SALL1: variants seen among roughly 807,000 people sequenced by gnomAD.
SALL1 encodes the protein sal-like protein 1.
In SALL1, 10 loss-of-function variants were observed where a neutral mutation model predicts 73.1. The observed-to-expected ratio is 0.14, with a 90% CI of 0.08 to 0.23. The LOEUF (loss-of-function observed/expected upper bound fraction) is 0.23. Among genes scored for constraint, SALL1 ranks in the 10% least tolerant of loss-of-function variants. The pLI is 1.00. For missense variants in SALL1, 1,520 were observed against 1,697.3 expected, an observed-to-expected ratio of 0.90 and a Z score of 1.84; for synonymous variants, 688 against 689.8, an observed-to-expected ratio of 1.00 and a Z score of 0.04.
Position 51,140,924 on chromosome 16 carries a change from A to C in SALL1, c.1298T>G (p.Val433Gly). ...AGTACTTTTCGCTTCAAAGGCAGTGACATTTGGTGGCTTGCTTTTTCTTTG... is the reference window on the plus strand; with the variant it reads ...AGTACTTTTCGCTTCAAAGGCAGTGCCATTTGGTGGCTTGCTTTTTCTTTG... ...AQQRKSKPPN[V>G]TAFEAKSTSD... The change falls in exon 2 of 3, where the codon GTC (valine) becomes GGC (glycine). Residue 433 changes from valine (V) to glycine (G), a missense_variant. Physicochemically the swap from Val to Gly is moderately radical, Grantham distance 109. Transcript: ENST00000251020. The surrounding 1 kb of genome is among the most constrained non-coding windows in gnomAD (Gnocchi z 5.7). The C allele has an allele frequency of 6.2e-7, 1 of 1,614,218 alleles. No individual in the cohort carries two copies. Among genetic ancestry groups the C allele is most frequent in the Non-Finnish European group, 8.5e-7 (1 of 1,180,026 alleles).
intron 1 of SALL1, chr16:51,150,522 G>A (rs1452261037): frequency 2.6e-5 from 26 of 985,810 alleles, no homozygotes; most frequent in Non-Finnish European, 2.9e-5. Flanking sequence ...TCTCCACCCC[G>A]GCCGCAACCC....
chr16:51,142,111 A>C lies in SALL1; in HGVS notation c.111T>G (p.Thr37=). The C allele has an allele frequency of 6.2e-7, 1 of 1,613,672 alleles. No homozygotes were observed. Among genetic ancestry groups the C allele is most frequent in the Non-Finnish European group, 8.5e-7 (1 of 1,179,972 alleles). Residue 37 remains threonine (T), a synonymous_variant, in exon 2 of 3, where the codon ACT becomes ACG. Coordinates refer to ENST00000251020, the MANE Select transcript of SALL1 (RefSeq NM_002968.3). ...DTEKGQPSRP[T]KSKDAHVCGR... is the part of the protein sequence containing the mutation. ...CACAGACGTGGGCATCCTTGCTCTT[A>C]GTAGGGCGACTCGGTTGACCCTTTT...
At chr16:51,137,812 ACT>A (rs1032708182) in intron 2 of SALL1, among the ~76,000 whole-genome samples, 2 of 151,876 alleles carry the variant, frequency 1.3e-5, no homozygotes, top group African/African-American at 4.8e-5. Flanking sequence ...TGCCTTACTT[ACT>A]CTTTTTTTAT....
At chr16:51,152,023 A>C (rs896943440), upstream of SALL1, 11 of 150,162 alleles carry the variant, frequency 7.3e-5, no homozygotes, top group East Asian at 1.8e-3. Flanking sequence ...TAAAAAAAAA[A>C]ATAAGCGAGT....
rs747967468 is a variant in SALL1, at chr16:51,137,519, G to A, written c.3568C>T (p.Pro1190Ser). The change falls in exon 3 of 3, where the codon CCT (proline) becomes TCT (serine). Residue 1190 changes from proline (P) to serine (S), a missense_variant. Pro to Ser is a moderately conservative substitution (Grantham distance 74). Around this residue, in one of 7 missense-constraint regions of SALL1, gnomAD observed 318 missense variants for 357.1 expected, o/e 0.89. Transcript: ENST00000251020. The part of the protein sequence containing the change: ...HMGTHMWNST[P>S]ARRGRRLSVD... ...GAGAGCCGCCGACCCCGTCGTGCAG[G>A]GGTGCTATTCCACATGTGAGTGCCC... is the stretch of plus-strand genomic sequence containing the variant. 6.2e-7 allele frequency: 1 copy of A among 1,613,844 alleles called. No homozygotes were observed. The highest frequency in any genetic ancestry group is 1.7e-5 in the Admixed American group (1 of 59,998).
In SALL1 at chr16:51,140,534, A is replaced by G. The variant is rs1395826003; in HGVS notation, c.1688T>C (p.Leu563Pro). 6.2e-7 allele frequency: 1 copy of G among 1,613,632 alleles called. No individual in the cohort carries two copies. Among genetic ancestry groups the G allele is most frequent in the East Asian group, 2.2e-5 (1 of 44,836 alleles). The stretch of plus-strand genomic sequence containing the variant: ...CTTGATGAAGGGTATGAGGCTTGGG[A>G]GGGTTGGGGGCAACGGCAGGCCGAC... The part of the protein sequence containing the change: ...TSVGLPLPPT[L>P]PSLIPFIKTE... Residue 563 changes from leucine (L) to proline (P), a missense_variant, in exon 2 of 3, where the codon CTC becomes CCC. By Grantham distance (98) the Leu-to-Pro change is moderately conservative (BLOSUM62 -3). Coordinates refer to ENST00000251020, the MANE Select transcript of SALL1 (RefSeq NM_002968.3). The surrounding 1 kb of genome is among the most constrained non-coding windows in gnomAD (Gnocchi z 5.7).
chr16:51,151,156 G>T lies in SALL1; in HGVS notation c.76+10C>A. 1 of 1,589,886 alleles carries T rather than the reference G, an allele frequency of 6.3e-7. No homozygotes were observed. Among genetic ancestry groups the T allele is most frequent in the Non-Finnish European group, 8.5e-7 (1 of 1,170,890 alleles). On this transcript the variant is annotated intron_variant, in intron 1 of 2. Coordinates refer to ENST00000251020, the MANE Select transcript of SALL1 (RefSeq NM_002968.3). ...GTGTGTGTGTCCACGGCGCGGGCCG[G>T]AGCACTCACCATCTCGCCGGGGGAG...
In SALL1 at chr16:51,141,755, C is replaced by T. The variant is rs772785193; in HGVS notation, c.467G>A (p.Ser156Asn). ...GCTGCCGCCGCCGCCGCTGCTGCTG[C>T]TGCTGCTGCTGCTGCTGCTTGGGGC... The part of the protein sequence containing the change: ...STAPSSSSSS[S>N]SSSGGGGSSS... The change falls in exon 2 of 3, where the codon AGC becomes AAC. Residue 156 changes from serine to asparagine, a missense_variant. By Grantham distance (46) the Ser-to-Asn change is conservative. Around this residue, in one of 7 missense-constraint regions of SALL1, gnomAD observed 540 missense variants for 567.5 expected, o/e 0.95. Coordinates refer to ENST00000251020, the MANE Select transcript of SALL1 (RefSeq NM_002968.3). This position sits in a 1 kb window ranked among gnomAD's most constrained non-coding sequence, Gnocchi z 5.4. The T allele has an allele frequency of 5.6e-6, 9 of 1,610,792 alleles. No individual in the cohort carries two copies. Among genetic ancestry groups the T allele is most frequent in the East Asian group, 2.2e-5 (1 of 44,878 alleles).
Position 51,141,973 on chromosome 16 carries a change from T to C in SALL1, c.249A>G (p.Glu83=). Residue 83 remains glutamate (E), a synonymous_variant, in exon 2 of 3, where the codon GAA becomes GAG. Coordinates refer to ENST00000251020, the MANE Select transcript of SALL1 (RefSeq NM_002968.3). The surrounding 1 kb of genome is among the most constrained non-coding windows in gnomAD (Gnocchi z 5.4). ...CAGGAGGGGGGCTGGGGGAGAAGGT[T>C]TCGGGTGGGGAGGCTGGATTTTCAT... ...IVNENPASPP[E]TFSPSPPPDN... is the part of the protein sequence containing the mutation. The C allele has an allele frequency of 6.2e-7, 1 of 1,613,980 alleles. No homozygotes were observed. The highest frequency in any genetic ancestry group is 8.5e-7 in the Non-Finnish European group (1 of 1,180,012).
chr16:51,150,256 C>T (rs1488605137), intron 1 of SALL1: 3 of 256,300 alleles, frequency 1.2e-5, no homozygotes, highest in Non-Finnish European at 1.8e-5. Context: ...AAAACAAGTG[C>T]CCCTGTTTCA....
upstream of SALL1, chr16:51,151,430 C>G: frequency 4.8e-6 from 1 of 206,656 alleles, no homozygotes; most frequent in Non-Finnish European, 9.2e-6. Context: ...ATCAATAATG[C>G]ATTGCGATTA....
In SALL1 at chr16:51,137,172, G is replaced by A. The variant is rs140524372; in HGVS notation, c.3915C>T (p.Asn1305=). Residue 1305 remains asparagine, a synonymous_variant, in exon 3 of 3, where the codon AAC becomes AAT. Transcript: ENST00000251020. Reference sequence around the variant, plus strand: ...AGCGGGTGAAGCGGAAGTTGGTTCCGTTCTCACTGCTTGCCATTTTCTCCA... The same window carrying A: ...AGCGGGTGAAGCGGAAGTTGGTTCCATTCTCACTGCTTGCCATTTTCTCCA... ...AGLEKMASSE[N]GTNFRFTRFV... The A allele has an allele frequency of 7.6e-4, 1,231 of 1,614,100 alleles. 19 individuals are homozygous for A. In the South Asian group the frequency reaches 8.8e-3, roughly 11 times the overall value.
Position 51,141,882 on chromosome 16 carries a change from A to G in SALL1, c.340T>C (p.Ser114Pro). The G allele has an allele frequency of 1.2e-6, 2 of 1,613,868 alleles. No individual in the cohort carries two copies. The highest frequency in any genetic ancestry group is 1.7e-6 in the Non-Finnish European group (2 of 1,180,018). Residue 114 changes from serine to proline, a missense_variant, in exon 2 of 3, where the codon TCA becomes CCA. By Grantham distance (74) the Ser-to-Pro change is moderately conservative. This residue lies in a region of SALL1 where 540 missense variants were observed against 567.5 expected (regional missense o/e 0.95). Coordinates refer to ENST00000251020, the MANE Select transcript of SALL1 (RefSeq NM_002968.3). This position sits in a 1 kb window ranked among gnomAD's most constrained non-coding sequence, Gnocchi z 5.4. The part of the protein sequence containing the change: ...KTDQVDCSDL[S>P]EHNGLDREES... The stretch of plus-strand genomic sequence containing the variant: ...TCCCTGTCAAGTCCGTTGTGTTCTG[A>G]AAGGTCGCTGCAGTCCACTTGATCT...
upstream of SALL1, among the ~76,000 whole-genome samples, chr16:51,151,821 G>A (rs948304814): frequency 6.6e-6 from 1 of 151,404 alleles, no homozygotes; most frequent in African/African-American, 2.4e-5. Context: ...CGGGTGGGGG[G>A]TGGGGCCGGG....
At chr16:51,149,033 A>G (rs1188510933) in intron 1 of SALL1, among the ~76,000 whole-genome samples, 1 of 152,158 alleles carries the variant, frequency 6.6e-6, no homozygotes, top group Non-Finnish European at 1.5e-5. Flanking sequence ...AAATCAAAAG[A>G]AGGAGAGAAA....
rs1247825832 is a variant in SALL1, at chr16:51,137,037, G to A, written c.*75C>T. On this transcript the variant is annotated 3_prime_UTR_variant, in exon 3 of 3. Coordinates refer to ENST00000251020, the MANE Select transcript of SALL1 (RefSeq NM_002968.3). ...AGAAGGAAGGGGCGGGGCGGGGTGG[G>A]GGGCAAGGAGTAGGAGGCCACCATA... The A allele has an allele frequency of 7.3e-7, 1 of 1,377,612 alleles. No homozygotes were observed. Among genetic ancestry groups the A allele is most frequent in the Non-Finnish European group, 1.0e-6 (1 of 981,378 alleles). 85.3% of individuals were successfully genotyped at this position (1,377,612 alleles called of 1,614,324 possible).
intron 1 of SALL1, chr16:51,149,513 T>A (rs909883458): frequency 6.6e-6 from 1 of 152,124 alleles, no homozygotes; most frequent in African/African-American, 2.4e-5. Flanking sequence ...CTACCCCGCG[T>A]GCTCGCTTTC....
Position 51,136,960 on chromosome 16 carries a change from C to G in SALL1, c.*152G>C. 1.5e-6 allele frequency: 1 copy of G among 662,370 alleles called. No individual in the cohort carries two copies. Among genetic ancestry groups the G allele is most frequent in the South Asian group, 1.8e-5 (1 of 56,542 alleles). The allele number at this position is 662,370 out of a possible 1,614,324, so 41.0% of individuals were successfully genotyped here. A position where few individuals can be genotyped will look rare whatever the true frequency, so the allele number is the denominator to read the frequency against. ...GCTTTCTTAGAACTCTAAAGTTGAA[C>G]AAGGTACAAAAGAATGTCTTCATAA... is the stretch of plus-strand genomic sequence containing the variant. On this transcript the variant is annotated 3_prime_UTR_variant, in exon 3 of 3. Coordinates refer to ENST00000251020, the MANE Select transcript of SALL1 (RefSeq NM_002968.3).
In SALL1 at chr16:51,141,370, C is replaced by T. The variant is rs767998696; in HGVS notation, c.852G>A (p.Thr284=). 6.2e-6 allele frequency: 10 copies of T among 1,613,638 alleles called. No homozygotes were observed. Among genetic ancestry groups the T allele is most frequent in the African/African-American group, 5.3e-5 (4 of 74,982 alleles). Residue 284 remains threonine (T), a synonymous_variant, in exon 2 of 3, where the codon ACG becomes ACA. Transcript: ENST00000251020. This position sits in a 1 kb window ranked among gnomAD's most constrained non-coding sequence, Gnocchi z 5.4. ...TLRTSANPLS[T]LSSHLSQQLA... ...GCTGCTGAGATAAATGGGAACTTAGCGTGGACAAGGGGTTGGCAGATGTTC... is the reference window on the plus strand; with the variant it reads ...GCTGCTGAGATAAATGGGAACTTAGTGTGGACAAGGGGTTGGCAGATGTTC...
Sources: allele counts gnomAD v4.1 joint callset (sites outside exome capture counted in the v4.1 genomes callset), GRCh38; gene constraint gnomAD v4.1.1; regional missense constraint gnomAD v4.1.1; non-coding constraint Gnocchi (gnomAD v3.1); transcripts MANE v1.5; gene names NCBI Gene and HGNC (gene_info 2026-07-23, HGNC 2026-07-21).